The following EML6 variants were observed in gnomAD, a reference collection of about 807,000 sequenced individuals.
EML6 encodes the protein EMAP like 6.
EML6 carries 154 observed loss-of-function variants against 240.1 expected under a neutral mutation model. The ratio of observed to expected loss-of-function variants is 0.64; its 90% CI spans 0.56 to 0.73. The LOEUF (loss-of-function observed/expected upper bound fraction) is 0.73, where lower values mean the gene tolerates loss of function less well. Among genes scored for constraint, EML6 ranks in the 30% least tolerant of loss-of-function variants. The pLI is 0.00. For synonymous variants in EML6, 1,148 were observed against 899.0 expected, an observed-to-expected ratio of 1.28 and a Z score of -4.95; for missense variants, 2,964 against 2,474.6, an observed-to-expected ratio of 1.20 and a Z score of -4.20.
chr2:54,967,228 G>A, intron 39 of EML6, 125 bp downstream of exon 39: 1 of 647,726 alleles, frequency 1.5e-6, no homozygotes, highest in South Asian at 1.9e-5. Flanking sequence ...CTTTTCTTTT[G>A]GGGGTGAGGG....
chr2:54,969,988 G>C (rs564717439), intron 41 of EML6, 83 bp from the exon 42 acceptor site: 1,100 of 1,436,694 alleles, frequency 7.7e-4, no homozygotes, highest in Non-Finnish European at 9.5e-4. Flanking sequence ...TGACTTTTGA[G>C]CACTTGGCAA....
chr2:54,930,554 A>G (rs1196754091), intron 28 of EML6, among the ~76,000 whole-genome samples: 1 of 152,146 alleles, frequency 6.6e-6, no homozygotes, highest in African/African-American at 2.4e-5. Flanking sequence ...GCCTTATAAT[A>G]TTATGAAATA....
intron 2 of EML6, among the ~76,000 whole-genome samples, chr2:54,797,186 A>AAAAAAAAAAAAAAAAC (rs1558557089): frequency 6.7e-6 from 1 of 149,296 alleles, no homozygotes; most frequent in African/African-American, 2.5e-5. Context: ...AAAAAAAAAA[A>AAAAAAAAAAAAAAAAC]AAACTGTGAT....
chr2:54,869,925 G>A (rs1671165479), intron 15 of EML6, among the ~76,000 whole-genome samples: 1 of 152,072 alleles, frequency 6.6e-6, no homozygotes, highest in African/African-American at 2.4e-5. Context: ...GGAGTGTAAA[G>A]AGAAAAATAA....
At chr2:54,866,662 C>T in intron 13 of EML6, 104 bp from the exon 14 acceptor site, 1 of 568,270 alleles carries the variant, frequency 1.8e-6, no homozygotes, top group East Asian at 2.9e-5. Context: ...TTTTCAAAGA[C>T]ATTTTATTGA....
chr2:54,794,535 A>G (rs933855967), intron 2 of EML6, among the ~76,000 whole-genome samples: 1 of 151,944 alleles, frequency 6.6e-6, no homozygotes, highest in East Asian at 1.9e-4. Flanking sequence ...TACTTTCAGC[A>G]CCCCTCTGGC....
chr2:54,931,240 A>C (rs916875820), intron 28 of EML6, among the ~76,000 whole-genome samples: 1 of 151,804 alleles, frequency 6.6e-6, no homozygotes, highest in African/African-American at 2.4e-5. Flanking sequence ...TACAGGCGTG[A>C]GCCACCGCGC....
intron 28 of EML6, among the ~76,000 whole-genome samples, chr2:54,943,250 C>G (rs1372620316): frequency 6.6e-6 from 1 of 152,160 alleles, no homozygotes; most frequent in African/African-American, 2.4e-5. Flanking sequence ...CACCTTCTTC[C>G]CTCTCTTCTC....
chr2:54,878,249 C>T (rs182463295), intron 16 of EML6, among the ~76,000 whole-genome samples: 8 of 152,254 alleles, frequency 5.3e-5, no homozygotes, highest in Non-Finnish European at 8.8e-5. Flanking sequence ...TTGAAAATAC[C>T]GGTTGGGACC....
At position 54,892,565 on chromosome 2, in the gene EML6, C is replaced by G. The variant is rs1306767958; in HGVS notation, c.2651C>G (p.Thr884Ser). 1.3e-6 allele frequency: 2 copies of G among 1,551,478 alleles called. No homozygotes were observed. Among genetic ancestry groups the G allele is most frequent in the Non-Finnish European group, 1.7e-6 (2 of 1,146,712 alleles). Residue 884 changes from threonine (T) to serine (S), a missense_variant, in exon 19 of 42, where the codon ACT becomes AGT. Transcript: ENST00000356458. ...MEDLVFSGAA[T>S]GDIFIWKDIL... The stretch of plus-strand genomic sequence containing the variant: ...GATCTAGTGTTCTCAGGAGCAGCTA[C>G]TGGAGATATTTTTATTTGGAAAGAC...
chr2:54,864,624 C>T (rs756200409), intron 13 of EML6, among the ~76,000 whole-genome samples: 2 of 152,178 alleles, frequency 1.3e-5, no homozygotes, highest in African/African-American at 2.4e-5. Flanking sequence ...AATAAGACTT[C>T]AAATTTCAGA....
intron 2 of EML6, among the ~76,000 whole-genome samples, chr2:54,792,298 C>T (rs2063391): frequency 0.73 from 111,039 of 152,158 alleles, 41,573 homozygotes; most frequent in African/African-American, 0.9. Context: ...CCTGGGCTTC[C>T]CCTATATTAT....
intron 11 of EML6, among the ~76,000 whole-genome samples, chr2:54,854,149 T>TA (rs1439396755): frequency 9.2e-5 from 14 of 152,362 alleles, no homozygotes; most frequent in Admixed American, 8.5e-4. Flanking sequence ...TAAATATTCA[T>TA]AGTTTATATA....
At chr2:54,868,725 A>T (rs550499351) in intron 14 of EML6, 1 of 153,896 alleles carries the variant, frequency 6.5e-6, no homozygotes, top group African/African-American at 2.4e-5. Flanking sequence ...TTCTTTCAAC[A>T]TGCATACTTG....
chr2:54,944,044 C>A (rs1050933576), intron 28 of EML6, among the ~76,000 whole-genome samples: 4 of 152,164 alleles, frequency 2.6e-5, no homozygotes, highest in African/African-American at 9.7e-5. Flanking sequence ...GCTTCCTCTT[C>A]CAGCCCCTTA....
intron 2 of EML6, among the ~76,000 whole-genome samples, chr2:54,740,602 C>A (rs1683586902): frequency 6.6e-6 from 1 of 152,120 alleles, no homozygotes; most frequent in Non-Finnish European, 1.5e-5. Flanking sequence ...TACTTTTCTT[C>A]TTACATCTGC....
At position 54,894,938 on chromosome 2, in the gene EML6, C is replaced by G. The variant is rs372410178; in HGVS notation, c.2766C>G (p.Asp922Glu). ...AGGGCTTTGTAACAGGTGGAAAGGA[C>G]GGCATCGTGGAGCTCTGGGATGATA... ...LDKGFVTGGK[D>E]GIVELWDDMF... The change falls in exon 20 of 42, where the codon GAC becomes GAG. Residue 922 changes from aspartate to glutamate, a missense_variant. Asp to Glu is a conservative substitution (Grantham distance 45, BLOSUM62 2). Transcript: ENST00000356458. The G allele has an allele frequency of 6.4e-7, 1 of 1,551,028 alleles. No individual in the cohort carries two copies. The highest frequency in any genetic ancestry group is 8.7e-7 in the Non-Finnish European group (1 of 1,146,520).
chr2:54,926,390 G>A (rs1342766021), intron 26 of EML6, among the ~76,000 whole-genome samples: 1 of 152,232 alleles, frequency 6.6e-6, no homozygotes, highest in Non-Finnish European at 1.5e-5. Flanking sequence ...GCATGAACCA[G>A]TGCACCTGGC....
At chr2:54,772,967 A>C (rs1668459480) in intron 2 of EML6, among the ~76,000 whole-genome samples, 1 of 152,232 alleles carries the variant, frequency 6.6e-6, no homozygotes. Context: ...CTGAGAGCTT[A>C]GGTGTTGGTT....
Sources: allele counts gnomAD v4.1 joint callset (sites outside exome capture counted in the v4.1 genomes callset), GRCh38; gene constraint gnomAD v4.1.1; transcripts MANE v1.5; gene names NCBI Gene and HGNC (gene_info 2026-07-23, HGNC 2026-07-21).